Variants in OLFM4 observed in about 807,000 individuals in gnomAD.
The protein encoded by OLFM4 is olfactomedin 4, also known as olfactomedin-4.
A neutral mutation model predicts 25.5 loss-of-function variants in OLFM4; 22 were observed. The observed-to-expected ratio is 0.86, with a 90% CI of 0.62 to 1.23. The LOEUF (loss-of-function observed/expected upper bound fraction) is 1.23. Ranked by LOEUF, OLFM4 falls within the 50% of genes most tolerant of loss-of-function variation. OLFM4 has a pLI of 0.00. For missense variants in OLFM4, 594 were observed against 619.4 expected, an observed-to-expected ratio of 0.96 and a Z score of 0.44; for synonymous variants, 255 against 237.7, an observed-to-expected ratio of 1.07 and a Z score of -0.67.
chr13:53,041,841 C>A, intron 2 of OLFM4, 69 bp from the exon 3 acceptor site: 1 of 1,059,442 alleles, frequency 9.4e-7, no homozygotes, highest in Non-Finnish European at 1.5e-6. Flanking sequence ...AACTCAAGGG[C>A]TCGGTAGTGG....
chr13:53,044,823 C>A (rs912534280), intron 4 of OLFM4, among the ~76,000 whole-genome samples: 1 of 152,198 alleles, frequency 6.6e-6, no homozygotes, highest in Non-Finnish European at 1.5e-5. Flanking sequence ...CCACAGAGGA[C>A]TCACTGAGGC....
Position 53,034,415 on chromosome 13 carries a change from A to G in OLFM4, c.272A>G (p.Asp91Gly). 6.2e-7 allele frequency: 1 copy of G among 1,614,154 alleles called. No individual in the cohort carries two copies. Among genetic ancestry groups the G allele is most frequent in the Non-Finnish European group, 8.5e-7 (1 of 1,180,016 alleles). The change falls in exon 2 of 5, where the codon GAC becomes GGC. Residue 91 changes from aspartate (D) to glycine (G), a missense_variant. Coordinates refer to ENST00000219022, the MANE Select transcript of OLFM4 (RefSeq NM_006418.5). Reference protein sequence around the residue: ...GTCQCSVSLPDTTFPVDRVER... With the variant: ...GTCQCSVSLPGTTFPVDRVER... ...TGCCAGTGCTCTGTTTCCCTGCCAGACACCACCTTTCCCGTGGACAGAGTG... is the reference window on the plus strand; with the variant it reads ...TGCCAGTGCTCTGTTTCCCTGCCAGGCACCACCTTTCCCGTGGACAGAGTG...
At chr13:53,033,302 A>T (rs528686830) in intron 1 of OLFM4, among the ~76,000 whole-genome samples, 1 of 152,144 alleles carries the variant, frequency 6.6e-6, no homozygotes, top group East Asian at 1.9e-4. Context: ...AACTTTTATT[A>T]AAAAAAATTG....
chr13:53,031,329 CA>C (rs1385226155), intron 1 of OLFM4, among the ~76,000 whole-genome samples: 1 of 152,124 alleles, frequency 6.6e-6, no homozygotes, highest in Non-Finnish European at 1.5e-5. Flanking sequence ...GAGTAAGTTC[CA>C]AACATATCAT....
rs757133174 is a variant in OLFM4, at chr13:53,050,024, C to T, written c.786C>T (p.Leu262=). The T allele has an allele frequency of 2.5e-6, 4 of 1,613,358 alleles. No homozygotes were observed. Among genetic ancestry groups the T allele is most frequent in the Admixed American group, 1.7e-5 (1 of 60,006 alleles). ...VNISKPSVVQ[L]NWRGFSYLYG... is the part of the protein sequence containing the mutation. ...TCAGCAAACCGTCTGTGGTTCAGCT[C>T]AACTGGAGAGGGTTTTCTTATCTAT... The change falls in exon 5 of 5, where the codon CTC becomes CTT. Residue 262 remains leucine, a synonymous_variant. Coordinates refer to ENST00000219022, the MANE Select transcript of OLFM4 (RefSeq NM_006418.5).
chr13:53,034,607 G>A (rs927089901), intron 2 of OLFM4, 107 bp downstream of exon 2: 2 of 986,664 alleles, frequency 2.0e-6, no homozygotes, highest in South Asian at 1.7e-5. Flanking sequence ...AAGACATCAC[G>A]TTTTTATTCT....
chr13:53,046,451 T>C (rs1954716580), intron 4 of OLFM4, among the ~76,000 whole-genome samples: 1 of 152,240 alleles, frequency 6.6e-6, no homozygotes, highest in Non-Finnish European at 1.5e-5. Flanking sequence ...GTTCCTCAAA[T>C]TATGTTCCAT....
chr13:53,050,563 C>A lies in OLFM4; in HGVS notation c.1325C>A (p.Ala442Asp), dbSNP rs776896088. The A allele has an allele frequency of 1.2e-6, 2 of 1,613,916 alleles. No homozygotes were observed. Among genetic ancestry groups the A allele is most frequent in the Middle Eastern group, 1.7e-4 (1 of 6,056 alleles). The change falls in exon 5 of 5, where the codon GCC becomes GAC. Residue 442 changes from alanine (A) to aspartate (D), a missense_variant. Coordinates refer to ENST00000219022, the MANE Select transcript of OLFM4 (RefSeq NM_006418.5). ...TTCATGGTATGTGGGGTTCTGTATG[C>A]CACCCGTACTATGAACACCAGAACA... ...NAFMVCGVLY[A>D]TRTMNTRTEE...
chr13:53,029,542 G>A (rs925649076), intron 1 of OLFM4, among the ~76,000 whole-genome samples: 2 of 152,190 alleles, frequency 1.3e-5, no homozygotes, highest in Non-Finnish European at 2.9e-5. Context: ...TAGCCCTCGA[G>A]GGAGTGAGAG....
intron 1 of OLFM4, 80 bp from the exon 2 acceptor site, chr13:53,034,268 C>G: frequency 6.8e-7 from 1 of 1,466,926 alleles, no homozygotes; most frequent in Non-Finnish European, 9.4e-7. Flanking sequence ...GTACTCTCGA[C>G]AAGCCAATTT....
At chr13:53,048,881 G>C (rs1336795376) in intron 4 of OLFM4, among the ~76,000 whole-genome samples, 1 of 152,132 alleles carries the variant, frequency 6.6e-6, no homozygotes, top group Non-Finnish European at 1.5e-5. Context: ...GTTTTTTTGA[G>C]TGTTAAGATC....
chr13:53,031,878 C>T (rs539270403), intron 1 of OLFM4, among the ~76,000 whole-genome samples: 13 of 152,328 alleles, frequency 8.5e-5, no homozygotes, highest in African/African-American at 2.4e-4. Context: ...AGGGGACAAG[C>T]TCTTGTCTTT....
intron 2 of OLFM4, among the ~76,000 whole-genome samples, chr13:53,035,459 C>A (rs9596755): frequency 0.019 from 2,867 of 152,156 alleles, 103 homozygotes; most frequent in African/African-American, 0.066. Flanking sequence ...TGTTACAAAC[C>A]ATCCAATTAG....
rs1954739639 is a variant in OLFM4, at chr13:53,050,276, G to T, written c.1038G>T (p.Gly346=). ...TGTACGTCAACATGTACAACACCGG[G>T]AATATTGCCAGAGTTAACCTGACCA... The part of the protein sequence containing the change: ...NNMYVNMYNT[G]NIARVNLTTN... Residue 346 remains glycine, a synonymous_variant, in exon 5 of 5, where the codon GGG becomes GGT. Transcript: ENST00000219022. 5 of 1,614,040 alleles carry T rather than the reference G, an allele frequency of 3.1e-6. No individual in the cohort carries two copies. The highest frequency in any genetic ancestry group is 4.2e-6 in the Non-Finnish European group (5 of 1,179,964).
intron 2 of OLFM4, among the ~76,000 whole-genome samples, chr13:53,036,745 A>G (rs1453886331): frequency 2.0e-5 from 3 of 152,188 alleles, no homozygotes; most frequent in South Asian, 4.1e-4. Context: ...TGCTTTTTCA[A>G]ATGCTTCCAG....
chr13:53,045,056 A>G (rs903575146), intron 4 of OLFM4, among the ~76,000 whole-genome samples: 1 of 152,210 alleles, frequency 6.6e-6, no homozygotes, highest in Admixed American at 6.5e-5. Context: ...CTGAGGCCAC[A>G]CAAGTAGTTA....
At chr13:53,049,694 A>T (rs2298235) in intron 4 of OLFM4, among the ~76,000 whole-genome samples, 2 of 152,192 alleles carry the variant, frequency 1.3e-5, no homozygotes, top group East Asian at 3.9e-4. Flanking sequence ...TTTTAAATAT[A>T]GTTCTTGCTG....
rs769930349 is a variant in OLFM4 at position 53,042,128 on chromosome 13, G to C, written c.570+6G>C. The C allele has an allele frequency of 7.4e-6, 12 of 1,611,502 alleles. No homozygotes were observed. Among genetic ancestry groups the C allele is most frequent in the Non-Finnish European group, 1.0e-5 (12 of 1,177,934 alleles). ...TTGACCAGCTGGAGGTGGAGGTAAG[G>C]AGTGAACTCACTTCTTGGTAAATTA... is the stretch of plus-strand genomic sequence containing the variant. On this transcript the variant is annotated splice_donor_region_variant and intron_variant, in intron 3 of 4. Transcript: ENST00000219022.
intron 3 of OLFM4, 60 bp downstream of exon 3, chr13:53,042,182 C>A: frequency 7.1e-7 from 1 of 1,403,564 alleles, no homozygotes; most frequent in Non-Finnish European, 1.0e-6. Context: ...TGACTGTAAG[C>A]AAGTACTAGT....
Sources: allele counts gnomAD v4.1 joint callset (sites outside exome capture counted in the v4.1 genomes callset), GRCh38; gene constraint gnomAD v4.1.1; transcripts MANE v1.5; gene names NCBI Gene and HGNC (gene_info 2026-07-23, HGNC 2026-07-21).